Variants in C10orf67 observed in about 807,000 individuals in gnomAD.
C10orf67 encodes chromosome 10 open reading frame 67.
A neutral mutation model predicts 35.6 loss-of-function variants in C10orf67; 60 were observed. The observed-to-expected ratio is 1.68, with a 90% CI of 1.37 to 2.09. The LOEUF (loss-of-function observed/expected upper bound fraction) is 2.09. Among genes scored for constraint, C10orf67 ranks in the 30% most tolerant of loss-of-function variants. The pLI, the probability that C10orf67 is intolerant of heterozygous loss-of-function variation, is 0.00. For synonymous variants in C10orf67, 167 were observed against 115.8 expected (o/e 1.44, Z -2.84); for missense variants, 474 against 330.2 (o/e 1.44, Z -3.38).
At chr10:23,256,267 G>T (rs1588621459) in intron 10 of C10orf67, among the ~76,000 whole-genome samples, 1 of 152,162 alleles carries the variant, frequency 6.6e-6, no homozygotes, top group East Asian at 1.9e-4. Context: ...CTTCCAAAGT[G>T]CTGGAATATT....
intron 12 of C10orf67, among the ~76,000 whole-genome samples, chr10:23,240,459 A>G (rs1307161331): frequency 6.6e-6 from 1 of 152,234 alleles, no homozygotes; most frequent in Non-Finnish European, 1.5e-5. Context: ...AGAACACAGT[A>G]ATCAACTTGA....
In C10orf67 at chr10:23,299,684, A is replaced by G. The variant is rs955918336; in HGVS notation, c.702+3620T>C. ...GACAATTGTCCACGACAGGAGAGTAAGACTGAGAAGGGGGCGGGTGCAGTG... is the reference window on the plus strand; with the variant it reads ...GACAATTGTCCACGACAGGAGAGTAGGACTGAGAAGGGGGCGGGTGCAGTG... On this transcript the variant is annotated intron_variant, in intron 5 of 15. Transcript: ENST00000636213. Among the ~76,000 whole-genome samples the G allele has an allele frequency of 3.9e-5, 6 of 152,276 alleles. No homozygotes were observed. In the South Asian group the frequency reaches 1.2e-3, roughly 32 times the overall value.
At chr10:23,227,881 G>T (rs1312164314) in intron 13 of C10orf67, among the ~76,000 whole-genome samples, 18 of 152,142 alleles carry the variant, frequency 1.2e-4, no homozygotes, top group Admixed American at 1.2e-3. Flanking sequence ...CAACTTACAA[G>T]GGATGTGAAG....
intron 15 of C10orf67, among the ~76,000 whole-genome samples, chr10:23,221,279 T>C (rs1325110651): frequency 1.3e-5 from 2 of 152,040 alleles, no homozygotes; most frequent in Admixed American, 6.6e-5. Context: ...AACCATCAGA[T>C]CTCATGAGAA....
intron 2 of C10orf67, among the ~76,000 whole-genome samples, chr10:23,327,507 T>C (rs1035909929): frequency 2.6e-5 from 4 of 152,074 alleles, no homozygotes; most frequent in African/African-American, 9.7e-5. Context: ...AATACATAAA[T>C]TCAATAATTA....
chr10:23,259,337 TG>T (rs1253152684), intron 10 of C10orf67, among the ~76,000 whole-genome samples: 2 of 152,244 alleles, frequency 1.3e-5, no homozygotes, highest in Non-Finnish European at 2.9e-5. Context: ...TATTTAGAGT[TG>T]ATAACCCTAG....
intron 8 of C10orf67, among the ~76,000 whole-genome samples, chr10:23,270,592 C>G (rs1461533521): frequency 6.6e-6 from 1 of 152,190 alleles, no homozygotes; most frequent in East Asian, 1.9e-4. Flanking sequence ...TTCTGCAGGC[C>G]CCACTTCCAT....
chr10:23,239,339 T>C (rs1286206911), intron 13 of C10orf67, among the ~76,000 whole-genome samples: 2 of 152,216 alleles, frequency 1.3e-5, no homozygotes, highest in African/African-American at 4.8e-5. Context: ...CAGATTCTCC[T>C]ATCTTCTTTT....
In C10orf67 at chr10:23,303,712, C is replaced by T. The variant is rs182663197; in HGVS notation, c.547-253G>A. 2.0e-5 allele frequency among the ~76,000 whole-genome samples: 3 copies of T among 152,324 alleles called. No homozygotes were observed. In the East Asian group the frequency reaches 5.8e-4, roughly 29 times the overall value. Reference sequence around the variant, plus strand: ...CAGTGTTATCCTATAAAACACAAAGCATGGTCAGTTACTCTTACTGTATCA... The same window carrying T: ...CAGTGTTATCCTATAAAACACAAAGTATGGTCAGTTACTCTTACTGTATCA... On this transcript the variant is annotated intron_variant, in intron 4 of 15. Coordinates refer to ENST00000636213, the MANE Select transcript of C10orf67 (RefSeq NM_001371909.1).
At chr10:23,330,706 C>G (rs531769951) in intron 2 of C10orf67, among the ~76,000 whole-genome samples, 70 of 150,354 alleles carry the variant, frequency 4.7e-4, no homozygotes, top group Non-Finnish European at 9.0e-4. Context: ...TGCCACTGCA[C>G]TCCAGCCTGG....
intron 15 of C10orf67, among the ~76,000 whole-genome samples, chr10:23,212,345 G>A (rs1841331058): frequency 6.6e-6 from 1 of 152,134 alleles, no homozygotes; most frequent in Admixed American, 6.5e-5. Context: ...AGCTTGTTAT[G>A]GTGGCCTTAG....
intron 2 of C10orf67, among the ~76,000 whole-genome samples, chr10:23,326,368 A>G (rs995023705): frequency 3.9e-5 from 6 of 152,198 alleles, no homozygotes; most frequent in African/African-American, 1.4e-4. Flanking sequence ...ATTAAAGCCT[A>G]CAGAGCAATT....
intron 7 of C10orf67, among the ~76,000 whole-genome samples, chr10:23,286,406 AAGGGG>A (rs1235138290): frequency 2.0e-4 from 12 of 59,060 alleles, no homozygotes; most frequent in South Asian, 1.1e-3. Flanking sequence ...CATAGAAGGG[AAGGGG>A]AGGGGAGGGG....
chr10:23,240,940 G>A (rs989894967), intron 12 of C10orf67, among the ~76,000 whole-genome samples: 1 of 152,194 alleles, frequency 6.6e-6, no homozygotes, highest in Non-Finnish European at 1.5e-5. Flanking sequence ...ATGAAATAAG[G>A]TTATTGGATT....
chr10:23,287,731 G>T (rs1843591400), intron 7 of C10orf67, among the ~76,000 whole-genome samples: 1 of 152,028 alleles, frequency 6.6e-6, no homozygotes, highest in South Asian at 2.1e-4. Context: ...TCTGACAAAG[G>T]TCTAATATCC....
chr10:23,222,755 C>G (rs187101817), intron 15 of C10orf67, among the ~76,000 whole-genome samples: 1 of 152,128 alleles, frequency 6.6e-6, no homozygotes, highest in African/African-American at 2.4e-5. Flanking sequence ...CTGGGCAACA[C>G]GACAAAATCT....
intron 4 of C10orf67, among the ~76,000 whole-genome samples, chr10:23,305,985 A>T (rs549580492): frequency 3.6e-4 from 55 of 151,290 alleles, no homozygotes; most frequent in Non-Finnish European, 5.8e-4. Context: ...ACACACACAC[A>T]CTCTCTCTCT....
intron 15 of C10orf67, among the ~76,000 whole-genome samples, chr10:23,210,473 G>A (rs1354748274): frequency 2.6e-5 from 4 of 152,074 alleles, no homozygotes; most frequent in African/African-American, 7.2e-5. Context: ...AAGCTGGAGT[G>A]CAGTGGTGTG....
intron 4 of C10orf67, among the ~76,000 whole-genome samples, chr10:23,314,483 A>AAC (rs56043614): frequency 0.1 from 13,580 of 135,612 alleles, 698 homozygotes; most frequent in East Asian, 0.22. Context: ...ATTAAGTTAA[A>AAC]ACACACACAC....
Sources: allele counts gnomAD v4.1 joint callset (sites outside exome capture counted in the v4.1 genomes callset), GRCh38; gene constraint gnomAD v4.1.1; transcripts MANE v1.5; gene names NCBI Gene and HGNC (gene_info 2026-07-23, HGNC 2026-07-21).